THSD7B: variants seen among roughly 807,000 people sequenced by gnomAD.
THSD7B encodes thrombospondin type-1 domain-containing protein 7B.
A neutral mutation model predicts 213.6 loss-of-function variants in THSD7B; 138 were observed. That is an observed-to-expected ratio of 0.65 (90% CI 0.56 to 0.74). The LOEUF (loss-of-function observed/expected upper bound fraction) is 0.74, where lower values mean the gene tolerates loss of function less well. Ranked by LOEUF, THSD7B falls within the 30% of genes least tolerant of loss-of-function variation. The pLI, the probability that THSD7B is intolerant of heterozygous loss-of-function variation, is 0.00. For synonymous variants in THSD7B, 742 were observed against 687.0 expected (o/e 1.08, Z -1.25); for missense variants, 1,931 against 1,991.5 (o/e 0.97, Z 0.58).
chr2:136,873,597 G>A (rs970178471), intron 1 of THSD7B, among the ~76,000 whole-genome samples: 1 of 152,222 alleles, frequency 6.6e-6, no homozygotes, highest in Non-Finnish European at 1.5e-5. Flanking sequence ...AGATTGGAAA[G>A]TTGAAAAATC....
intron 2 of THSD7B, among the ~76,000 whole-genome samples, chr2:136,896,652 G>A (rs746382688): frequency 1.2e-4 from 18 of 151,812 alleles, no homozygotes; most frequent in Non-Finnish European, 2.2e-4. Context: ...CTCCTATGTC[G>A]TCTTCTAAAA....
chr2:137,384,569 G>T (rs1327715257), intron 12 of THSD7B, among the ~76,000 whole-genome samples: 1 of 152,074 alleles, frequency 6.6e-6, no homozygotes, highest in Non-Finnish European at 1.5e-5. Context: ...CCTGACTCAG[G>T]ACTTGTGTTC....
chr2:136,935,584 T>G (rs961456998), intron 2 of THSD7B, among the ~76,000 whole-genome samples: 1 of 152,234 alleles, frequency 6.6e-6, no homozygotes, highest in East Asian at 1.9e-4. Context: ...TATTTTTAAC[T>G]TGATGAAAAA....
At chr2:137,638,307 T>A (rs1682870688) in intron 20 of THSD7B, among the ~76,000 whole-genome samples, 1 of 152,210 alleles carries the variant, frequency 6.6e-6, no homozygotes, top group Non-Finnish European at 1.5e-5. Context: ...GCTATTCTTA[T>A]GATAGTGAAT....
At chr2:136,785,786 A>G (rs1681833470) in intron 1 of THSD7B, among the ~76,000 whole-genome samples, 3 of 152,178 alleles carry the variant, frequency 2.0e-5, no homozygotes, top group Admixed American at 2.0e-4. Flanking sequence ...TTGATACCCA[A>G]TACATGGTCT....
chr2:137,541,341 C>G (rs1165750528), intron 15 of THSD7B, among the ~76,000 whole-genome samples: 4 of 151,532 alleles, frequency 2.6e-5, no homozygotes, highest in African/African-American at 4.8e-5. Flanking sequence ...AAGAAGCAGT[C>G]ACTAGAAACT....
chr2:137,238,916 T>C (rs892998340), intron 9 of THSD7B, among the ~76,000 whole-genome samples: 4 of 150,776 alleles, frequency 2.7e-5, no homozygotes, highest in Admixed American at 6.6e-5. Flanking sequence ...AGATGATTTG[T>C]GTGTATATAT....
At chr2:137,305,373 G>A (rs1380240761) in intron 12 of THSD7B, among the ~76,000 whole-genome samples, 1 of 152,080 alleles carries the variant, frequency 6.6e-6, no homozygotes, top group Non-Finnish European at 1.5e-5. Context: ...GTGAAACTTG[G>A]AGTCTACAGG....
At chr2:137,355,868 G>T (rs932895944) in intron 12 of THSD7B, among the ~76,000 whole-genome samples, 13 of 152,130 alleles carry the variant, frequency 8.5e-5, no homozygotes, top group Non-Finnish European at 1.9e-4. Context: ...CATAGTGAGC[G>T]CTCTGTAAAG....
At chr2:137,126,821 T>A (rs950052759) in intron 5 of THSD7B, among the ~76,000 whole-genome samples, 2 of 152,200 alleles carry the variant, frequency 1.3e-5, no homozygotes, top group African/African-American at 4.8e-5. Context: ...TTCCTTTCAC[T>A]TGAACATGTA....
chr2:136,998,371 T>C (rs1685935739), intron 2 of THSD7B, among the ~76,000 whole-genome samples: 1 of 151,768 alleles, frequency 6.6e-6, no homozygotes, highest in Non-Finnish European at 1.5e-5. Flanking sequence ...GGTAGGAATA[T>C]GCTTTTCTGT....
chr2:136,964,765 G>T (rs1685284701), intron 2 of THSD7B, among the ~76,000 whole-genome samples: 1 of 152,132 alleles, frequency 6.6e-6, no homozygotes, highest in Admixed American at 6.5e-5. Flanking sequence ...CACTTTGGGA[G>T]GCCGAGGCAG....
chr2:137,301,793 A>G (rs1202276), intron 12 of THSD7B, among the ~76,000 whole-genome samples: 56,048 of 151,852 alleles, frequency 0.37, 10,972 homozygotes, highest in Non-Finnish European at 0.43. Context: ...AGCAGAAAAA[A>G]TCAGGAGAAG....
At chr2:136,987,685 A>G (rs1685694283) in intron 2 of THSD7B, among the ~76,000 whole-genome samples, 1 of 152,202 alleles carries the variant, frequency 6.6e-6, no homozygotes, top group African/African-American at 2.4e-5. Context: ...TGCTTGGATT[A>G]TCCCCTCGAT....
intron 10 of THSD7B, among the ~76,000 whole-genome samples, chr2:137,255,966 T>C (rs1237586371): frequency 6.6e-6 from 1 of 152,182 alleles, no homozygotes; most frequent in East Asian, 1.9e-4. Flanking sequence ...CACTTTGTTT[T>C]CAGTTAAAAT....
At position 137,396,413 on chromosome 2, in the gene THSD7B, C is replaced by T. The variant is rs1039227841; in HGVS notation, c.2501-9200C>T. Among the ~76,000 whole-genome samples, 144 of 147,152 alleles carry T rather than the reference C, an allele frequency of 9.8e-4. 1 individual carries two copies. The highest frequency in any genetic ancestry group is 3.4e-3 in the African/African-American group (139 of 40,336). ...AACATCTTTATTTCTGCCTTCATTT[C>T]GTTATGTATCCAGTAGTCATTCAGG... On this transcript the variant is annotated intron_variant, in intron 12 of 27. Coordinates refer to ENST00000409968, the MANE Select transcript of THSD7B (RefSeq NM_001316349.2).
chr2:137,458,946 GC>G (rs1687825063), intron 15 of THSD7B, among the ~76,000 whole-genome samples: 1 of 147,578 alleles, frequency 6.8e-6, no homozygotes, highest in Non-Finnish European at 1.5e-5. Context: ...CTCTGATAGG[GC>G]CTCTTTTCAA....
chr2:136,876,509 T>C (rs1652443), intron 1 of THSD7B, among the ~76,000 whole-genome samples: 1 of 151,936 alleles, frequency 6.6e-6, no homozygotes, highest in East Asian at 1.9e-4. Flanking sequence ...GAGAATATAA[T>C]AGCCTGGCTT....
intron 15 of THSD7B, among the ~76,000 whole-genome samples, chr2:137,455,151 A>G (rs958260816): frequency 6.6e-6 from 1 of 152,158 alleles, no homozygotes; most frequent in Non-Finnish European, 1.5e-5. Context: ...TTTGCAACTC[A>G]TTCCAGTCCC....
Sources: gnomAD v4.1 joint callset for allele counts (sites outside exome capture counted in the v4.1 genomes callset) on GRCh38, gnomAD v4.1.1 for gene constraint, MANE v1.5 for transcripts, NCBI Gene and HGNC (gene_info 2026-07-23, HGNC 2026-07-21) for gene names.